The following ANKS1B variants were observed in gnomAD, a reference collection of about 807,000 sequenced individuals.
ANKS1B encodes the protein ankyrin repeat and sterile alpha motif domain-containing protein 1B.
In ANKS1B, 36 loss-of-function variants were observed where a neutral mutation model predicts 148.3. That is an observed-to-expected ratio of 0.24 (90% CI 0.19 to 0.32). The LOEUF (loss-of-function observed/expected upper bound fraction) is 0.32, where lower values mean the gene tolerates loss of function less well. Among genes scored for constraint, ANKS1B ranks in the 10% least tolerant of loss-of-function variants. The pLI is 1.00. For missense variants in ANKS1B, 1,157 were observed against 1,542.6 expected, an observed-to-expected ratio of 0.75 and a Z score of 4.19; for synonymous variants, 542 against 560.8, an observed-to-expected ratio of 0.97 and a Z score of 0.47.
intron 15 of ANKS1B, among the ~76,000 whole-genome samples, chr12:99,138,680 G>A (rs914531623): frequency 6.6e-6 from 1 of 152,126 alleles, no homozygotes; most frequent in Non-Finnish European, 1.5e-5. Context: ...GGCATTACAT[G>A]ACCCCTAGGG....
chr12:99,895,252 C>G (rs117933000), intron 1 of ANKS1B, among the ~76,000 whole-genome samples: 3,829 of 150,600 alleles, frequency 0.025, 219 homozygotes, highest in Middle Eastern at 0.071. Flanking sequence ...GGAATTTTGT[C>G]ATCAGACTGA....
At chr12:98,813,669 C>T (rs2099116266) in intron 19 of ANKS1B, among the ~76,000 whole-genome samples, 1 of 148,800 alleles carries the variant, frequency 6.7e-6, no homozygotes, top group African/African-American at 2.5e-5. Context: ...GTTCAAGTGC[C>T]TCAACCTCCT....
intron 9 of ANKS1B, among the ~76,000 whole-genome samples, chr12:99,615,174 CACAGACAGACAG>C (rs35569353): frequency 2.0e-5 from 3 of 151,518 alleles, no homozygotes; most frequent in African/African-American, 4.9e-5. Context: ...AGATAGATTA[CACAGACAGACAG>C]ACAGACAGAC....
In ANKS1B at chr12:99,812,286, A is replaced by G; in HGVS notation, c.241T>C (p.Tyr81His). 1 of 1,611,548 alleles carries G rather than the reference A, an allele frequency of 6.2e-7. No individual in the cohort carries two copies. Among genetic ancestry groups the G allele is most frequent in the South Asian group, 1.1e-5 (1 of 90,992 alleles). ...TCTGCTACATTTGTTGATGCCTCAT[A>G]CTGAAGTAGTTTGAGAACTATGTCC... ...HKDIVLKLLQ[Y>H]EASTNVADNK... Residue 81 changes from tyrosine (Y) to histidine (H), a missense_variant, in exon 3 of 27, where the codon TAT becomes CAT. Around this residue, in one of 6 missense-constraint regions of ANKS1B, gnomAD observed 164 missense variants for 232.6 expected, o/e 0.71. Coordinates refer to ENST00000683438, the MANE Select transcript of ANKS1B (RefSeq NM_001352186.2).
chr12:99,926,600 T>C (rs576736491), intron 1 of ANKS1B, among the ~76,000 whole-genome samples: 1 of 152,334 alleles, frequency 6.6e-6, no homozygotes, highest in South Asian at 2.1e-4. Flanking sequence ...ATCTCCAGCT[T>C]GCAGATCTTG....
At chr12:99,476,785 A>G (rs772102670) in intron 10 of ANKS1B, among the ~76,000 whole-genome samples, 2 of 152,194 alleles carry the variant, frequency 1.3e-5, no homozygotes, top group African/African-American at 4.8e-5. Flanking sequence ...TGCAGTTTTC[A>G]TGGCTGAGGG....
intron 14 of ANKS1B, among the ~76,000 whole-genome samples, chr12:99,214,475 A>T (rs1374140911): frequency 6.6e-6 from 1 of 152,060 alleles, no homozygotes; most frequent in African/African-American, 2.4e-5. Flanking sequence ...ATCTCACGAG[A>T]TCTGATGGTT....
intron 1 of ANKS1B, among the ~76,000 whole-genome samples, chr12:99,848,991 T>G (rs1353959443): frequency 2.0e-5 from 3 of 151,896 alleles, no homozygotes; most frequent in African/African-American, 7.3e-5. Context: ...AGCTAAACAC[T>G]GGGTATACAT....
intron 26 of ANKS1B, among the ~76,000 whole-genome samples, chr12:98,749,891 T>C (rs1228123352): frequency 6.6e-6 from 1 of 151,760 alleles, no homozygotes; most frequent in Admixed American, 6.6e-5. Flanking sequence ...AGATATATTT[T>C]AGGGGTAGGG....
intron 1 of ANKS1B, among the ~76,000 whole-genome samples, chr12:99,977,496 G>A (rs941067109): frequency 2.6e-5 from 4 of 152,092 alleles, no homozygotes; most frequent in African/African-American, 9.7e-5. Flanking sequence ...ATTTCAACAT[G>A]AGTTTTGGAG....
intron 14 of ANKS1B, among the ~76,000 whole-genome samples, chr12:99,237,322 G>A (rs2088192108): frequency 1.3e-5 from 2 of 151,854 alleles, no homozygotes. Flanking sequence ...ACATATATAT[G>A]TATATATATG....
At chr12:99,811,701 T>C (rs1414133812) in intron 3 of ANKS1B, among the ~76,000 whole-genome samples, 1 of 151,914 alleles carries the variant, frequency 6.6e-6, no homozygotes, top group Non-Finnish European at 1.5e-5. Context: ...AGCAACTGTA[T>C]ATGCTATATT....
At chr12:99,191,692 A>C (rs868630528) in intron 14 of ANKS1B, among the ~76,000 whole-genome samples, 2 of 152,210 alleles carry the variant, frequency 1.3e-5, no homozygotes, top group East Asian at 3.9e-4. Flanking sequence ...TGGGCCTGTC[A>C]GGGAGTAGGG....
intron 26 of ANKS1B, among the ~76,000 whole-genome samples, chr12:98,750,851 G>A (rs1313458193): frequency 6.6e-6 from 1 of 152,228 alleles, no homozygotes; most frequent in Non-Finnish European, 1.5e-5. Context: ...CCTCAGCTGC[G>A]GGAGACAAAG....
At chr12:99,695,511 A>C (rs901649932) in intron 8 of ANKS1B, among the ~76,000 whole-genome samples, 1 of 152,244 alleles carries the variant, frequency 6.6e-6, no homozygotes, top group Non-Finnish European at 1.5e-5. Context: ...GAGAAGTTCC[A>C]GCCAGAATTC....
At chr12:99,138,444 T>G (rs777483159) in intron 15 of ANKS1B, among the ~76,000 whole-genome samples, 1 of 152,194 alleles carries the variant, frequency 6.6e-6, no homozygotes, top group Admixed American at 6.5e-5. Context: ...GTAACACAAA[T>G]AACTTCATTT....
intron 17 of ANKS1B, among the ~76,000 whole-genome samples, chr12:98,917,347 C>A (rs2099795731): frequency 6.6e-6 from 1 of 152,154 alleles, no homozygotes; most frequent in Non-Finnish European, 1.5e-5. Context: ...CCCTATGCTA[C>A]CCTCAGGAAA....
rs139684886 is a variant in ANKS1B, at chr12:98,797,393, A to G, written c.3342+1541T>C. Among the ~76,000 whole-genome samples, 548 of 152,256 alleles carry G rather than the reference A, an allele frequency of 3.6e-3. 4 individuals carry two copies. The highest frequency in any genetic ancestry group is 0.012 in the African/African-American group (505 of 41,556). On this transcript the variant is annotated intron_variant, in intron 22 of 26. Coordinates refer to ENST00000683438, the MANE Select transcript of ANKS1B (RefSeq NM_001352186.2). ...AGTTATTCAACCTCTGTAAGCCTCC[A>G]TTTCTTCGTCTGTAAAATGGGGACA... is the stretch of plus-strand genomic sequence containing the variant.
At chr12:99,692,677 A>G (rs2153505919) in intron 8 of ANKS1B, among the ~76,000 whole-genome samples, 1 of 151,770 alleles carries the variant, frequency 6.6e-6, no homozygotes, top group Non-Finnish European at 1.5e-5. Context: ...TCAAAAAAAA[A>G]AAAAAAAGGA....
Sources: allele counts gnomAD v4.1 joint callset (sites outside exome capture counted in the v4.1 genomes callset), GRCh38; gene constraint gnomAD v4.1.1; regional missense constraint gnomAD v4.1.1; transcripts MANE v1.5; gene names NCBI Gene and HGNC (gene_info 2026-07-23, HGNC 2026-07-21).